The following SORL1 variants were observed in gnomAD, a reference collection of about 807,000 sequenced individuals.
The protein encoded by SORL1 is sortilin related receptor 1, also known as sortilin-related receptor.
A neutral mutation model predicts 273.7 loss-of-function variants in SORL1; 127 were observed. The observed-to-expected ratio is 0.46, with a 90% CI of 0.40 to 0.54. SORL1 has a LOEUF of 0.54. Ranked by LOEUF, SORL1 falls within the 20% of genes least tolerant of loss-of-function variation. The pLI, the probability that SORL1 is intolerant of heterozygous loss-of-function variation, is 0.00. For synonymous variants in SORL1, 1,031 were observed against 1,067.4 expected, an observed-to-expected ratio of 0.97 and a Z score of 0.66; for missense variants, 2,494 against 2,846.1, an observed-to-expected ratio of 0.88 and a Z score of 2.81.
In SORL1 at chr11:121,562,648, T is replaced by C. The variant is rs116956423; in HGVS notation, c.3049+2991T>C. ...TCTTGTACGCAAGGAACCCTTATTT[T>C]ACTTCATGATGACCCTACACCTCAA... is the stretch of plus-strand genomic sequence containing the variant. On this transcript the variant is annotated intron_variant, in intron 21 of 47. Transcript: ENST00000260197. Among the ~76,000 whole-genome samples, 323 of 152,296 alleles carry C rather than the reference T, an allele frequency of 2.1e-3. 7 individuals carry two copies. The East Asian group carries it at 0.058, about 28-fold the overall frequency.
chr11:121,504,970 C>G (rs1861765777), intron 6 of SORL1, among the ~76,000 whole-genome samples: 1 of 151,830 alleles, frequency 6.6e-6, no homozygotes, highest in South Asian at 2.1e-4. Flanking sequence ...TTTTTTCCTC[C>G]TTTAGTCTAT....
chr11:121,515,746 G>T (rs1861940274), intron 8 of SORL1, among the ~76,000 whole-genome samples: 1 of 152,132 alleles, frequency 6.6e-6, no homozygotes, highest in African/African-American at 2.4e-5. Flanking sequence ...CCGCTTCCTG[G>T]GTTCAAGTGA....
At position 121,522,676 on chromosome 11, in the gene SORL1, T is replaced by A. The variant is rs759465804; in HGVS notation, c.1495T>A (p.Ser499Thr). The A allele has an allele frequency of 6.2e-7, 1 of 1,613,726 alleles. No homozygotes were observed. Among genetic ancestry groups the A allele is most frequent in the South Asian group, 1.1e-5 (1 of 91,060 alleles). ...GAGAATGCCCATCCTGTCCAAGGAG[T>A]CGGCTCCAGGCCTCATCATCGCCAC... ...LRRMPILSKE[S>T]APGLIIATGS... Residue 499 changes from serine to threonine, a missense_variant, in exon 10 of 48, where the codon TCG becomes ACG. This residue lies in a region of SORL1 where 710 missense variants were observed against 882.5 expected (regional missense o/e 0.80). Coordinates refer to ENST00000260197, the MANE Select transcript of SORL1 (RefSeq NM_003105.6).
chr11:121,560,456 A>G (rs145617268), intron 21 of SORL1, among the ~76,000 whole-genome samples: 1,543 of 152,282 alleles, frequency 0.01, 21 homozygotes, highest in African/African-American at 0.036. Context: ...CATACTATTG[A>G]TTCTAGAGGA....
intron 32 of SORL1, 81 bp from the exon 33 acceptor site, chr11:121,604,112 T>C: frequency 6.4e-7 from 1 of 1,552,422 alleles, no homozygotes; most frequent in Non-Finnish European, 8.8e-7. Context: ...GTACTTTGCC[T>C]AAATGGGAAT....
chr11:121,470,183 C>A, intron 2 of SORL1, 60 bp downstream of exon 2: 1 of 1,065,286 alleles, frequency 9.4e-7, no homozygotes, highest in Non-Finnish European at 1.5e-6. Flanking sequence ...TTTTCTGGTC[C>A]ACTGGGATTA....
intron 1 of SORL1, among the ~76,000 whole-genome samples, chr11:121,467,991 A>C (rs1269945778): frequency 6.6e-6 from 1 of 152,212 alleles, no homozygotes; most frequent in African/African-American, 2.4e-5. Flanking sequence ...TAAAACTCCA[A>C]GTAACGTCGT....
chr11:121,546,449 A>G (rs1862427430), intron 14 of SORL1, among the ~76,000 whole-genome samples: 4 of 152,200 alleles, frequency 2.6e-5, no homozygotes. Context: ...GTAATTCAGC[A>G]TGAAATCATT....
chr11:121,486,286 T>C (rs1258129500), intron 3 of SORL1, among the ~76,000 whole-genome samples: 1 of 152,152 alleles, frequency 6.6e-6, no homozygotes, highest in East Asian at 1.9e-4. Context: ...CAGGTGTGCA[T>C]GCGAGGCCTT....
In SORL1 at chr11:121,574,327, G is replaced by T; in HGVS notation, c.3424G>T (p.Asp1142Tyr). The part of the protein sequence containing the change: ...IPLSYKCDLE[D>Y]DCGDNSDESH... ...ACTGTCCTATAAATGTGACCTTGAG[G>T]ATGACTGTGGAGACAACAGTGATGA... The change falls in exon 24 of 48, where the codon GAT becomes TAT. Residue 1142 changes from aspartate to tyrosine, a missense_variant. By Grantham distance (160) the Asp-to-Tyr change is radical. This residue lies in a region of SORL1 where 1,609 missense variants were observed against 1,816.4 expected (regional missense o/e 0.89). Coordinates refer to ENST00000260197, the MANE Select transcript of SORL1 (RefSeq NM_003105.6). 1 of 1,613,672 alleles carries T rather than the reference G, an allele frequency of 6.2e-7. No homozygotes were observed. Among genetic ancestry groups the T allele is most frequent in the Middle Eastern group, 1.7e-4 (1 of 6,060 alleles).
intron 8 of SORL1, among the ~76,000 whole-genome samples, chr11:121,518,585 G>C (rs903699074): frequency 6.6e-6 from 1 of 152,198 alleles, no homozygotes; most frequent in Non-Finnish European, 1.5e-5. Context: ...CAGAGAGGTA[G>C]AGCAGAGGTC....
chr11:121,508,585 T>G (rs530978448), intron 6 of SORL1, among the ~76,000 whole-genome samples: 23 of 152,344 alleles, frequency 1.5e-4, no homozygotes, highest in African/African-American at 5.0e-4. Flanking sequence ...TCAGGCTTTT[T>G]GGGAACTCCA....
intron 35 of SORL1, 97 bp downstream of exon 35, chr11:121,605,668 T>G: frequency 4.1e-6 from 4 of 964,070 alleles, no homozygotes; most frequent in Non-Finnish European, 6.5e-6. Flanking sequence ...GGAACATATG[T>G]GTGCCTCACA....
chr11:121,603,929 G>A (rs1447098169), intron 32 of SORL1, among the ~76,000 whole-genome samples: 1 of 152,200 alleles, frequency 6.6e-6, no homozygotes. Flanking sequence ...TAAGCTGTTT[G>A]CTCAAGCTCA....
intron 38 of SORL1, chr11:121,609,489 C>A (rs991047261): frequency 1.3e-5 from 2 of 152,140 alleles, no homozygotes; most frequent in Non-Finnish European, 2.9e-5. Flanking sequence ...CCTTGAATTC[C>A]GAAGGCACAA....
chr11:121,493,827 C>T (rs1380243801), intron 5 of SORL1, among the ~76,000 whole-genome samples: 1 of 152,098 alleles, frequency 6.6e-6, no homozygotes, highest in African/African-American at 2.4e-5. Context: ...GGTATTGCTT[C>T]CTTAGTAATA....
rs1863716158 is a variant in SORL1 at position 121,621,064 on chromosome 11, T to G, written c.5890T>G (p.Leu1964Val). ...TTCACTTGTTCTTTTTTGGTCCTAG[T>G]TGTATGCAGTTGCAGTCAAAGATCT... ...SPYDSPDQDL[L>V]YAVAVKDLIR... The change falls in exon 44 of 48, where the codon TTG (leucine) becomes GTG (valine). Residue 1964 changes from leucine to valine, a missense_variant and splice_region_variant. By Grantham distance (32) the Leu-to-Val change is conservative. Coordinates refer to ENST00000260197, the MANE Select transcript of SORL1 (RefSeq NM_003105.6). 6.2e-7 allele frequency: 1 copy of G among 1,603,836 alleles called. No individual in the cohort carries two copies. Among genetic ancestry groups the G allele is most frequent in the Non-Finnish European group, 8.5e-7 (1 of 1,173,460 alleles).
At chr11:121,561,576 C>A (rs1392932348) in intron 21 of SORL1, among the ~76,000 whole-genome samples, 2 of 151,714 alleles carry the variant, frequency 1.3e-5, no homozygotes, top group Non-Finnish European at 2.9e-5. Flanking sequence ...GTAGTCTCAG[C>A]TCCTCAGGAG....
At chr11:121,520,604 A>G in intron 8 of SORL1, 53 bp from the exon 9 acceptor site, 4 of 1,268,536 alleles carry the variant, frequency 3.2e-6, no homozygotes, top group Non-Finnish European at 4.3e-6. Context: ...TGTTATTTAC[A>G]ATAACAAGCA....
Sources: allele counts gnomAD v4.1 joint callset (sites outside exome capture counted in the v4.1 genomes callset), GRCh38; gene constraint gnomAD v4.1.1; regional missense constraint gnomAD v4.1.1; transcripts MANE v1.5; gene names NCBI Gene and HGNC (gene_info 2026-07-23, HGNC 2026-07-21).